Variants in NCOR2 observed in about 807,000 individuals in gnomAD.
NCOR2 encodes nuclear receptor corepressor 2, also known as CTG repeat protein 26.
NCOR2 carries 81 observed loss-of-function variants against 262.9 expected under a neutral mutation model. The ratio of observed to expected loss-of-function variants is 0.31; its 90% CI spans 0.26 to 0.37. The LOEUF is 0.37. NCOR2 is among the 10% of genes least tolerant of loss of function. The probability of loss-of-function intolerance (pLI) is 1.00; values close to 1 mark genes in which losing one functional copy is unlikely to be tolerated. For synonymous variants in NCOR2, 1,659 were observed against 1,559.3 expected (o/e 1.06, Z -1.51); for missense variants, 3,385 against 3,621.4 (o/e 0.93, Z 1.68).
At chr12:124,340,824 CCTCCTGGAGAGCACGGCACACA>C in intron 34 of NCOR2, 73 bp from the exon 37 acceptor site, 1 of 1,374,134 alleles carries the variant, frequency 7.3e-7, no homozygotes, top group Non-Finnish European at 9.4e-7. Context: ...GCCAGATCAC[CCTCCTGGAGAGCACGGCACACA>C]CTCCTGGAGC....
chr12:124,462,065 GACTCTT>G (rs1211773259), intron 5 of NCOR2, among the ~76,000 whole-genome samples: 1 of 152,174 alleles, frequency 6.6e-6, no homozygotes, highest in Non-Finnish European at 1.5e-5. Flanking sequence ...CACACAAGCT[GACTCTT>G]ACTCTAAGTA....
At chr12:124,327,950 C>T (rs991175387) in intron 44 of NCOR2, among the ~76,000 whole-genome samples, 21 of 152,138 alleles carry the variant, frequency 1.4e-4, no homozygotes, top group African/African-American at 5.1e-4. Context: ...ATTCTCATTC[C>T]TATTCTGTCC....
chr12:124,411,229 G>T (rs1208848075), intron 13 of NCOR2, among the ~76,000 whole-genome samples: 2 of 151,622 alleles, frequency 1.3e-5, no homozygotes, highest in African/African-American at 4.9e-5. Flanking sequence ...GGAAGACATG[G>T]GAAGAGAAAC....
chr12:124,358,163 G>A (rs1305866868), intron 22 of NCOR2, among the ~76,000 whole-genome samples: 1 of 144,898 alleles, frequency 6.9e-6, no homozygotes, highest in African/African-American at 2.6e-5. Flanking sequence ...GTGTGTGCCT[G>A]TACACAATGT....
At chr12:124,410,120 G>A (rs2042488432) in intron 13 of NCOR2, among the ~76,000 whole-genome samples, 1 of 150,686 alleles carries the variant, frequency 6.6e-6, no homozygotes, top group Non-Finnish European at 1.5e-5. Context: ...AGCTGCCACA[G>A]ACACCAAGGC....
intron 3 of NCOR2, among the ~76,000 whole-genome samples, chr12:124,476,365 A>G (rs2047098638): frequency 6.6e-6 from 1 of 152,216 alleles, no homozygotes; most frequent in Non-Finnish European, 1.5e-5. Flanking sequence ...TGGCACCCAG[A>G]GCCCGGTCGC....
intron 1 of NCOR2, among the ~76,000 whole-genome samples, chr12:124,490,451 T>C (rs1327076453): frequency 6.6e-6 from 1 of 151,762 alleles, no homozygotes; most frequent in Non-Finnish European, 1.5e-5. Flanking sequence ...GATGGATGGA[T>C]GGATGGATGG....
chr12:124,439,828 G>C (rs2136432560), intron 7 of NCOR2, among the ~76,000 whole-genome samples: 1 of 152,122 alleles, frequency 6.6e-6, no homozygotes, highest in Non-Finnish European at 1.5e-5. Context: ...GAGGGAAAGA[G>C]AGAGAAGTGG....
In NCOR2 at chr12:124,533,931, A is replaced by ATT. The variant is rs57112035; in HGVS notation, c.-118+1632_-118+1633dup. Among the ~76,000 whole-genome samples, 463 of 142,370 alleles carry ATT rather than the reference A, an allele frequency of 3.3e-3. 3 individuals are homozygous for ATT. The highest frequency in any genetic ancestry group is 3.5e-3 in the African/African-American group (131 of 37,898). 93.4% of individuals were successfully genotyped at this position (142,370 alleles called of 152,430 possible). On this transcript the variant is annotated intron_variant, in intron 1 of 46. Transcript: ENST00000404621. ...GAAAACATTATGAGACCTTTTTGTG[A>ATT]TTTTTTTTTTTTTTTTAGTTCATCA...
exon 47 of NCOR2, chr12:124,325,392 C>CCCCCCCCGGGG: frequency 8.7e-7 from 1 of 1,152,270 alleles, no homozygotes; most frequent in Non-Finnish European, 1.1e-6. Flanking sequence ...CCCCCCCGCC[C>CCCCCCCCGGGG]TGTTCTGAGT....
At chr12:124,480,829 C>T (rs112940925) in intron 3 of NCOR2, among the ~76,000 whole-genome samples, 2,739 of 40,652 alleles carry the variant, frequency 0.067, 49 homozygotes, top group Middle Eastern at 0.17. Context: ...GGAGGGGGAG[C>T]GGATGGGGGT....
chr12:124,544,680 T>C (rs2051485879), intron 1 of NCOR2, among the ~76,000 whole-genome samples: 1 of 152,120 alleles, frequency 6.6e-6, no homozygotes, highest in South Asian at 2.1e-4. Flanking sequence ...CCAGCACCCG[T>C]GACCTGCTCC....
In NCOR2 at chr12:124,374,401, C is replaced by A. The variant is rs750953669; in HGVS notation, c.2218+12G>T. Reference sequence around the variant, plus strand: ...CGGCCCTACCCCCCAGGCCAGCCGGCCACATTCGTACCTGGGCCACTGCAT... The same window carrying A: ...CGGCCCTACCCCCCAGGCCAGCCGGACACATTCGTACCTGGGCCACTGCAT... On this transcript the variant is annotated intron_variant, in intron 19 of 46. Coordinates refer to ENST00000405201, the Ensembl canonical transcript of NCOR2. The A allele has an allele frequency of 6.2e-7, 1 of 1,612,282 alleles. No individual in the cohort carries two copies. The highest frequency in any genetic ancestry group is 8.5e-7 in the Non-Finnish European group (1 of 1,179,424).
chr12:124,565,417 C>G (rs982555809), intron 1 of NCOR2, among the ~76,000 whole-genome samples: 2 of 152,172 alleles, frequency 1.3e-5, no homozygotes, highest in East Asian at 1.9e-4. Flanking sequence ...GGCTCCACCC[C>G]CCCTTCATTG....
chr12:124,378,184 T>C lies in NCOR2; in HGVS notation c.2167+53A>G, dbSNP rs2040165998. 6.3e-7 allele frequency: 1 copy of C among 1,592,012 alleles called. No individual in the cohort carries two copies. The highest frequency in any genetic ancestry group is 1.1e-5 in the South Asian group (1 of 87,636). On this transcript the variant is annotated intron_variant, in intron 18 of 46. Coordinates refer to ENST00000405201, the Ensembl canonical transcript of NCOR2. This position sits in a 1 kb window ranked among gnomAD's most constrained non-coding sequence, Gnocchi z 4.2. ...GGATCAGTTCCCGCTATGCCCTCCC[T>C]CAGAGCTCGGACCCACAGCTGCCAG...
Position 124,357,877 on chromosome 12 carries a change from C to T in NCOR2, c.3101-1095G>A, listed in dbSNP as rs934105519. ...ATGGATGTGTGTGTGCGCCTGTACA[C>T]AATGTTGAAGGAGGTAACCTGTGAT... On this transcript the variant is annotated intron_variant, in intron 22 of 46. Coordinates refer to ENST00000405201, the Ensembl canonical transcript of NCOR2. Among the ~76,000 whole-genome samples the T allele has an allele frequency of 1.8e-4, 27 of 146,232 alleles. 1 individual carries two copies. Among genetic ancestry groups the T allele is most frequent in the Admixed American group, 2.0e-4 (3 of 14,754 alleles).
At chr12:124,465,636 C>G (rs1266431364) in intron 5 of NCOR2, among the ~76,000 whole-genome samples, 2 of 152,158 alleles carry the variant, frequency 1.3e-5, no homozygotes, top group African/African-American at 4.8e-5. Flanking sequence ...TGTGGTCTGA[C>G]AGCCCACAGG....
chr12:124,331,010 G>A, intron 43 of NCOR2, 112 bp from the exon 46 acceptor site: 5 of 1,093,256 alleles, frequency 4.6e-6, no homozygotes, highest in South Asian at 4.3e-5. Flanking sequence ...GGAAACTTGT[G>A]CATTGCAGGT....
At position 124,517,784 on chromosome 12, in the gene NCOR2, C is replaced by G. The variant is rs561668661; in HGVS notation, c.-118+17781G>C. 1.3e-5 allele frequency among the ~76,000 whole-genome samples: 2 copies of G among 152,228 alleles called. No individual in the cohort carries two copies. The highest frequency in any genetic ancestry group is 2.9e-5 in the Non-Finnish European group (2 of 68,032). The stretch of plus-strand genomic sequence containing the variant: ...GGCCAAGAAGCCTCACCCCGGCCTG[C>G]CCGGCCAGCGCCTCCGAGCGCTCTT... On this transcript the variant is annotated intron_variant, in intron 1 of 46. Transcript: ENST00000404621. This position sits in a 1 kb window ranked among gnomAD's most constrained non-coding sequence, Gnocchi z 7.6.
Sources: allele counts gnomAD v4.1 joint callset (sites outside exome capture counted in the v4.1 genomes callset), GRCh38; gene constraint gnomAD v4.1.1; non-coding constraint Gnocchi (gnomAD v3.1); transcripts MANE v1.5; gene names NCBI Gene and HGNC (gene_info 2026-07-23, HGNC 2026-07-21).